Variants in XKR6 observed in about 807,000 individuals in gnomAD.
XKR6 encodes XK-related protein 6.
In XKR6, 22 loss-of-function variants were observed where a neutral mutation model predicts 56.7. That is an observed-to-expected ratio of 0.39 (90% CI 0.28 to 0.55). The LOEUF (loss-of-function observed/expected upper bound fraction) is 0.55, where lower values mean the gene tolerates loss of function less well. Among genes scored for constraint, XKR6 ranks in the 20% least tolerant of loss-of-function variants. The pLI is 0.66. For missense variants in XKR6, 852 were observed against 889.0 expected, an observed-to-expected ratio of 0.96 and a Z score of 0.53; for synonymous variants, 524 against 387.8, an observed-to-expected ratio of 1.35 and a Z score of -4.13.
intron 1 of XKR6, among the ~76,000 whole-genome samples, chr8:10,997,187 C>G (rs1222368738): frequency 6.6e-6 from 1 of 152,158 alleles, no homozygotes; most frequent in Non-Finnish European, 1.5e-5. Context: ...AATGACCCCA[C>G]CTAGCAAAGA....
At chr8:11,036,225 G>C (rs1463866878) in intron 1 of XKR6, among the ~76,000 whole-genome samples, 1 of 152,166 alleles carries the variant, frequency 6.6e-6, no homozygotes, top group East Asian at 1.9e-4. Flanking sequence ...TAAGATCACA[G>C]GCATGAGCCA....
In XKR6 at chr8:11,184,378, TATACACACATACAC is replaced by T. The variant is rs1289565652; in HGVS notation, c.764+16184_764+16197del. Among the ~76,000 whole-genome samples, 301 of 137,552 alleles carry T rather than the reference TATACACACATACAC, an allele frequency of 2.2e-3. 1 individual carries two copies. Among genetic ancestry groups the T allele is most frequent in the African/African-American group, 8.6e-3 (279 of 32,462 alleles). 90.2% of individuals were successfully genotyped at this position (137,552 alleles called of 152,430 possible). On this transcript the variant is annotated intron_variant, in intron 1 of 2. Coordinates refer to ENST00000416569, the MANE Select transcript of XKR6 (RefSeq NM_173683.4). ...AATAAATACATATTTTATATATATA[TATACACACATACAC>T]ACACACACACACACACACACACACA...
At chr8:11,091,489 AAAAG>A (rs1332658972) in intron 1 of XKR6, among the ~76,000 whole-genome samples, 1 of 152,110 alleles carries the variant, frequency 6.6e-6, no homozygotes, top group African/African-American at 2.4e-5. Flanking sequence ...AGAAAAAAGA[AAAAG>A]AAAAGAAAAC....
intron 1 of XKR6, among the ~76,000 whole-genome samples, chr8:11,058,994 C>A (rs186593030): frequency 2.0e-5 from 3 of 152,250 alleles, no homozygotes; most frequent in African/African-American, 7.2e-5. Flanking sequence ...CTTTACAGAA[C>A]AGGAAACTGA....
At position 11,201,291 on chromosome 8, in the gene XKR6, G is replaced by C. The variant is rs1429092572; in HGVS notation, c.49C>G (p.Leu17Val). The C allele has an allele frequency of 1.9e-6, 3 of 1,583,198 alleles. No homozygotes were observed. Among genetic ancestry groups the C allele is most frequent in the Admixed American group, 3.4e-5 (2 of 58,928 alleles). Residue 17 changes from leucine (L) to valine (V), a missense_variant, in exon 1 of 3, where the codon CTG becomes GTG. Around this residue, in one of 4 missense-constraint regions of XKR6, gnomAD observed 417 missense variants for 355.2 expected, o/e 1.17. Coordinates refer to ENST00000416569, the MANE Select transcript of XKR6 (RefSeq NM_173683.4). ...CCCACCGCCTCGTCCAGGTTGTGCA[G>C]CTGAGCGAAGCCCACCCCCACGCCA... The part of the protein sequence containing the change: ...GGGVGVGFAQ[L>V]HNLDEAVGSG...
At chr8:11,191,716 A>AC in intron 1 of XKR6, among the ~76,000 whole-genome samples, 1 of 151,826 alleles carries the variant, frequency 6.6e-6, no homozygotes, top group Non-Finnish European at 1.5e-5. Flanking sequence ...AAAAAAAAAA[A>AC]ACAGAGAGGG....
At chr8:11,043,450 A>G (rs1799334414) in intron 1 of XKR6, among the ~76,000 whole-genome samples, 1 of 151,990 alleles carries the variant, frequency 6.6e-6, no homozygotes, top group South Asian at 2.1e-4. Flanking sequence ...TCCTTTACCT[A>G]CCCAGGACTC....
intron 1 of XKR6, among the ~76,000 whole-genome samples, chr8:10,965,125 A>G (rs1034848131): frequency 1.1e-4 from 17 of 152,310 alleles, no homozygotes; most frequent in Middle Eastern, 6.8e-3. Flanking sequence ...GAACCTGAAC[A>G]CCAGCAAGCT....
intron 1 of XKR6, among the ~76,000 whole-genome samples, chr8:11,125,382 A>G (rs888057776): frequency 7.2e-5 from 11 of 152,116 alleles, no homozygotes; most frequent in African/African-American, 2.4e-4. Flanking sequence ...TGCTCAGGTT[A>G]TTGATTTTAG....
At chr8:10,920,970 G>T (rs1207661765) in intron 2 of XKR6, among the ~76,000 whole-genome samples, 1 of 152,254 alleles carries the variant, frequency 6.6e-6, no homozygotes, top group Non-Finnish European at 1.5e-5. Context: ...ACAGGGGATT[G>T]CAGGGAGGAG....
rs961962586 is a variant in XKR6 at position 10,921,364 on chromosome 8, C to T, written c.961+3270G>A. On this transcript the variant is annotated intron_variant, in intron 2 of 2. Transcript: ENST00000416569. ...AACTCCTGAAGGATAGGCGTCTTTGCAAACCCATCCCCAGCAGGTCTGGCC... is the reference window on the plus strand; with the variant it reads ...AACTCCTGAAGGATAGGCGTCTTTGTAAACCCATCCCCAGCAGGTCTGGCC... Among the ~76,000 whole-genome samples, 17 of 152,220 alleles carry T rather than the reference C, an allele frequency of 1.1e-4. 1 individual carries two copies. Among genetic ancestry groups the T allele is most frequent in the Non-Finnish European group, 1.0e-4 (7 of 68,042 alleles).
At chr8:11,090,931 G>C (rs1389874717) in intron 1 of XKR6, among the ~76,000 whole-genome samples, 1 of 152,120 alleles carries the variant, frequency 6.6e-6, no homozygotes, top group Non-Finnish European at 1.5e-5. Flanking sequence ...TGATAGATGA[G>C]AAAACTGATC....
At chr8:11,022,335 T>C (rs966594872) in intron 1 of XKR6, among the ~76,000 whole-genome samples, 1 of 152,068 alleles carries the variant, frequency 6.6e-6, no homozygotes, top group Non-Finnish European at 1.5e-5. Context: ...TGGCCATTGC[T>C]AGGGGAGAGC....
intron 1 of XKR6, among the ~76,000 whole-genome samples, chr8:11,182,300 C>G (rs1803030708): frequency 6.6e-6 from 1 of 152,110 alleles, no homozygotes; most frequent in Non-Finnish European, 1.5e-5. Flanking sequence ...CTTAAAATAC[C>G]ACACAGTTCC....
chr8:10,909,213 C>CTG (rs1348261212), intron 2 of XKR6, among the ~76,000 whole-genome samples: 15 of 152,072 alleles, frequency 9.9e-5, no homozygotes, highest in Non-Finnish European at 1.8e-4. Context: ...CTCTCTCTCT[C>CTG]TTTCCCCGCT....
intron 1 of XKR6, among the ~76,000 whole-genome samples, chr8:11,067,633 T>G (rs1460422891): frequency 6.6e-6 from 1 of 152,246 alleles, no homozygotes; most frequent in African/African-American, 2.4e-5. Context: ...ATTCTCTTCC[T>G]GTTACCAGCT....
chr8:10,921,303 G>C (rs1357626176), intron 2 of XKR6, among the ~76,000 whole-genome samples: 1 of 152,226 alleles, frequency 6.6e-6, no homozygotes, highest in Non-Finnish European at 1.5e-5. Flanking sequence ...GAAAGGGAGA[G>C]AAATCTCCCT....
chr8:10,999,249 C>A (rs1229517642), intron 1 of XKR6, among the ~76,000 whole-genome samples: 1 of 152,210 alleles, frequency 6.6e-6, no homozygotes, highest in East Asian at 1.9e-4. Context: ...GTATATCCAA[C>A]ATTAAGGAAA....
intron 1 of XKR6, among the ~76,000 whole-genome samples, chr8:11,148,189 G>A (rs7831890): frequency 0.055 from 8,416 of 152,148 alleles, 308 homozygotes; most frequent in South Asian, 0.087. Flanking sequence ...CAGCCTGGGC[G>A]ACAGAGCAAG....
Sources: gnomAD v4.1 joint callset for allele counts (sites outside exome capture counted in the v4.1 genomes callset) on GRCh38, gnomAD v4.1.1 for gene constraint, gnomAD v4.1.1 regional missense constraint, MANE v1.5 for transcripts, NCBI Gene and HGNC (gene_info 2026-07-23, HGNC 2026-07-21) for gene names.